Variants in DNAAF11 observed in about 807,000 individuals in gnomAD.
DNAAF11 encodes dynein axonemal assembly factor 11, also known as leucine rich repeat containing 6.
DNAAF11 carries 45 observed loss-of-function variants against 60.8 expected under a neutral mutation model. The ratio of observed to expected loss-of-function variants is 0.74; its 90% CI spans 0.58 to 0.95. The LOEUF is 0.95. Ranked by LOEUF, DNAAF11 falls within the 40% of genes least tolerant of loss-of-function variation. DNAAF11 has a pLI of 0.00. For missense variants in DNAAF11, 546 were observed against 546.2 expected (o/e 1.00, Z 0.00); for synonymous variants, 191 against 183.5 (o/e 1.04, Z -0.33).
intron 1 of DNAAF11, among the ~76,000 whole-genome samples, chr8:132,668,685 A>AC (rs1166617055): frequency 2.7e-5 from 4 of 149,720 alleles, no homozygotes; most frequent in East Asian, 2.0e-4. Context: ...CTCATGTTCC[A>AC]CCCCCCTCAG....
At chr8:132,680,224 G>A (rs1401289467), upstream of DNAAF11, among the ~76,000 whole-genome samples, 4 of 152,238 alleles carry the variant, frequency 2.6e-5, no homozygotes, top group Admixed American at 2.0e-4. Flanking sequence ...AGAGTTTAAA[G>A]AGTTGTGGTG....
chr8:132,640,226 A>G (rs1014076902), intron 3 of DNAAF11, among the ~76,000 whole-genome samples: 30 of 152,066 alleles, frequency 2.0e-4, no homozygotes, highest in African/African-American at 7.2e-4. Flanking sequence ...TTCTCCTTAT[A>G]CTGTAGTCTG....
At chr8:132,657,610 T>C (rs1785769337) in intron 2 of DNAAF11, among the ~76,000 whole-genome samples, 1 of 152,188 alleles carries the variant, frequency 6.6e-6, no homozygotes, top group African/African-American at 2.4e-5. Context: ...CAGGATTATC[T>C]TATTTAATAA....
the DNAAF11 span, among the ~76,000 whole-genome samples, chr8:132,680,707 C>G: frequency 6.6e-6 from 1 of 151,572 alleles, no homozygotes; most frequent in Non-Finnish European, 1.5e-5. Context: ...CCCCTTTCCC[C>G]TCCTCTCTTC....
intron 7 of DNAAF11, among the ~76,000 whole-genome samples, chr8:132,618,084 G>A (rs1586596408): frequency 6.6e-6 from 1 of 151,354 alleles, no homozygotes; most frequent in African/African-American, 2.4e-5. Flanking sequence ...GCATGGTACT[G>A]GTACCAAAAC....
At position 132,611,037 on chromosome 8, in the gene DNAAF11, G is replaced by A. The variant is rs147713574; in HGVS notation, c.1044+257C>T. On this transcript the variant is annotated intron_variant, in intron 9 of 11. Coordinates refer to ENST00000620350, the MANE Select transcript of DNAAF11 (RefSeq NM_012472.6). ...AATCTCCCGAGGAGCTGGGATTACGGGCATGAGCCACCATGCCTGGCTAAT... is the reference window on the plus strand; with the variant it reads ...AATCTCCCGAGGAGCTGGGATTACGAGCATGAGCCACCATGCCTGGCTAAT... Among the ~76,000 whole-genome samples, 568 of 152,196 alleles carry A rather than the reference G, an allele frequency of 3.7e-3. 2 individuals carry two copies. The highest frequency in any genetic ancestry group is 0.013 in the African/African-American group (540 of 41,522).
chr8:132,590,284 TAG>T (rs1240114131), intron 10 of DNAAF11, among the ~76,000 whole-genome samples: 5 of 152,210 alleles, frequency 3.3e-5, no homozygotes, highest in Admixed American at 1.3e-4. Context: ...CCAGCAGTGG[TAG>T]AGTCTACTCT....
At chr8:132,580,519 G>T (rs994216797) in intron 11 of DNAAF11, among the ~76,000 whole-genome samples, 6 of 152,094 alleles carry the variant, frequency 3.9e-5, no homozygotes. Context: ...ACTTTTAAAT[G>T]ATTACAATGG....
At chr8:132,640,822 AAGT>A (rs1415054992) in intron 3 of DNAAF11, among the ~76,000 whole-genome samples, 2 of 152,144 alleles carry the variant, frequency 1.3e-5, no homozygotes, top group Non-Finnish European at 2.9e-5. Flanking sequence ...GAATAGATAA[AAGT>A]AGGAAAAGAA....
intron 8 of DNAAF11, among the ~76,000 whole-genome samples, chr8:132,613,475 T>C (rs1001551241): frequency 3.3e-5 from 5 of 152,128 alleles, no homozygotes; most frequent in Non-Finnish European, 7.4e-5. Flanking sequence ...ATATCCCAAA[T>C]AGGCAAATCT....
intron 10 of DNAAF11, among the ~76,000 whole-genome samples, chr8:132,596,662 T>C (rs1288401394): frequency 6.6e-6 from 1 of 152,200 alleles, no homozygotes; most frequent in African/African-American, 2.4e-5. Context: ...CTCACAGTAG[T>C]GGTGTTCACA....
chr8:132,673,483 T>C (rs1009916961), intron 1 of DNAAF11, among the ~76,000 whole-genome samples: 3 of 152,198 alleles, frequency 2.0e-5, no homozygotes, highest in Non-Finnish European at 4.4e-5. Context: ...CAAAACCTTT[T>C]GGTTTCTCTG....
the DNAAF11 span, among the ~76,000 whole-genome samples, chr8:132,698,583 T>C: frequency 0.14 from 21,616 of 152,094 alleles, 4,401 homozygotes; most frequent in African/African-American, 0.45. Context: ...TTCCACCACA[T>C]GCCATGCCAC....
chr8:132,702,037 C>T, the DNAAF11 span: 2 of 152,252 alleles, frequency 1.3e-5, no homozygotes, highest in East Asian at 3.9e-4. Context: ...TGAATTCTTT[C>T]CTTCCTATTT....
chr8:132,577,151 C>T (rs1814837093), intron 11 of DNAAF11, among the ~76,000 whole-genome samples: 1 of 152,068 alleles, frequency 6.6e-6, no homozygotes, highest in Admixed American at 6.6e-5. Context: ...AAACCACCAT[C>T]CTGGAGGCTA....
chr8:132,589,985 C>T (rs952202888), intron 10 of DNAAF11, among the ~76,000 whole-genome samples: 3 of 152,230 alleles, frequency 2.0e-5, no homozygotes, highest in African/African-American at 7.2e-5. Context: ...CTCTTCAGTG[C>T]AGACCTTTGC....
At chr8:132,597,390 C>G (rs895533356) in intron 10 of DNAAF11, among the ~76,000 whole-genome samples, 1 of 151,942 alleles carries the variant, frequency 6.6e-6, no homozygotes, top group Non-Finnish European at 1.5e-5. Flanking sequence ...TTCCAGTGCC[C>G]GCAAAGCTGA....
upstream of DNAAF11, chr8:132,675,666 GAGCA>G (rs1395494530): frequency 1.7e-6 from 1 of 578,378 alleles, no homozygotes; most frequent in African/African-American, 1.9e-5. Context: ...GAGCTCCGCG[GAGCA>G]AGCAGAGGAG....
At chr8:132,692,466 C>A in the DNAAF11 span, among the ~76,000 whole-genome samples, 16,854 of 152,180 alleles carry the variant, frequency 0.11, 1,064 homozygotes, top group East Asian at 0.24. Flanking sequence ...AGCTGGCCAA[C>A]CTGCAGAACT....
Sources: gnomAD v4.1 joint callset for allele counts (sites outside exome capture counted in the v4.1 genomes callset) on GRCh38, gnomAD v4.1.1 for gene constraint, MANE v1.5 for transcripts, NCBI Gene and HGNC (gene_info 2026-07-23, HGNC 2026-07-21) for gene names.